Variants in ICA1 observed in about 807,000 individuals in gnomAD.
ICA1 encodes the protein islet cell autoantigen 1.
A neutral mutation model predicts 71.0 loss-of-function variants in ICA1; 40 were observed. The observed-to-expected ratio is 0.56, with a 90% CI of 0.44 to 0.73. ICA1 has a LOEUF of 0.73. Ranked by LOEUF, ICA1 falls within the 30% of genes least tolerant of loss-of-function variation. ICA1 has a pLI of 0.00. For missense variants in ICA1, 578 were observed against 576.5 expected, an observed-to-expected ratio of 1.00 and a Z score of -0.03; for synonymous variants, 207 against 209.5, an observed-to-expected ratio of 0.99 and a Z score of 0.10.
At chr7:8,204,105 G>A (rs888908581) in intron 6 of ICA1, among the ~76,000 whole-genome samples, 1 of 152,182 alleles carries the variant, frequency 6.6e-6, no homozygotes, top group Admixed American at 6.5e-5. Flanking sequence ...AGGGTGCTTG[G>A]AACATGAAAC....
In ICA1 at chr7:8,191,902, A is replaced by C. The variant is rs180755408; in HGVS notation, c.579+26403T>G. Among the ~76,000 whole-genome samples the C allele has an allele frequency of 2.2e-3, 332 of 152,220 alleles. 3 individuals are homozygous for C. The highest frequency in any genetic ancestry group is 7.6e-3 in the African/African-American group (317 of 41,556). ...AATTCCAGACTTCTAGAAAAGTTGC[A>C]AGAATTCTTTGTATGCCTGGATACC... is the stretch of plus-strand genomic sequence containing the variant. On this transcript the variant is annotated intron_variant, in intron 6 of 13. Coordinates refer to ENST00000402384, the MANE Select transcript of ICA1 (RefSeq NM_001136020.3).
intron 6 of ICA1, among the ~76,000 whole-genome samples, chr7:8,211,480 T>A (rs1413136092): frequency 3.3e-5 from 5 of 152,182 alleles, no homozygotes; most frequent in African/African-American, 1.2e-4. Flanking sequence ...CTCATTCTAC[T>A]CTGAGTACCA....
chr7:8,262,065 C>A (rs376243830), intron 1 of ICA1, 29 bp downstream of exon 1: 1 of 152,216 alleles, frequency 6.6e-6, no homozygotes, highest in African/African-American at 2.4e-5. Flanking sequence ...GCCCGGCGCG[C>A]CCCCGCCCCG....
intron 6 of ICA1, among the ~76,000 whole-genome samples, chr7:8,208,699 C>T (rs1364354759): frequency 2.6e-5 from 4 of 152,270 alleles, no homozygotes; most frequent in Non-Finnish European, 5.9e-5. Context: ...ACTACCTGAA[C>T]ATGGTAATTT....
At chr7:8,193,887 G>C (rs1454996256) in intron 6 of ICA1, among the ~76,000 whole-genome samples, 2 of 152,146 alleles carry the variant, frequency 1.3e-5, no homozygotes, top group South Asian at 2.1e-4. Context: ...TTCTAAGAAG[G>C]TCACAGGAAA....
chr7:8,129,184 G>A (rs1287269251), intron 12 of ICA1, among the ~76,000 whole-genome samples: 3 of 152,110 alleles, frequency 2.0e-5, no homozygotes, highest in Non-Finnish European at 2.9e-5. Context: ...ATCAACTGTG[G>A]CTTTGTGGTG....
At chr7:8,253,264 A>G (rs947662841) in intron 1 of ICA1, among the ~76,000 whole-genome samples, 4 of 152,316 alleles carry the variant, frequency 2.6e-5, no homozygotes, top group African/African-American at 9.6e-5. Flanking sequence ...AAATAAAATC[A>G]TATGTATCTT....
In ICA1 at chr7:8,228,688, CA is replaced by C. The variant is rs1563103991; in HGVS notation, c.184-16del. ...GAATGAAACAGCTGTAATAAAAATACAAACAAAATGCAAAATAAAACAGACA... is the reference window on the plus strand; with the variant it reads ...GAATGAAACAGCTGTAATAAAAATACAACAAAATGCAAAATAAAACAGACA... On this transcript the variant is annotated splice_polypyrimidine_tract_variant and intron_variant, in intron 3 of 13. Transcript: ENST00000402384. 7 of 1,559,236 alleles carry C rather than the reference CA, an allele frequency of 4.5e-6. No individual in the cohort carries two copies. Among genetic ancestry groups the C allele is most frequent in the Non-Finnish European group, 6.1e-6 (7 of 1,140,050 alleles).
chr7:8,124,111 ATTTTTTTTTTTT>A (rs536582712), intron 13 of ICA1, among the ~76,000 whole-genome samples: 3 of 107,412 alleles, frequency 2.8e-5, no homozygotes, highest in South Asian at 2.9e-4. Flanking sequence ...GAATCATACA[ATTTTTTTTTTTT>A]TTTTTTTTTT....
At chr7:8,254,825 T>C (rs1265244631) in intron 1 of ICA1, among the ~76,000 whole-genome samples, 1 of 152,032 alleles carries the variant, frequency 6.6e-6, no homozygotes, top group Non-Finnish European at 1.5e-5. Flanking sequence ...ATGCTGCAAA[T>C]GGCAACACTG....
At chr7:8,124,566 C>A (rs1295170001) in intron 13 of ICA1, among the ~76,000 whole-genome samples, 1 of 151,988 alleles carries the variant, frequency 6.6e-6, no homozygotes, top group Non-Finnish European at 1.5e-5. Flanking sequence ...GTCATGGAAG[C>A]ATAATGTCCA....
intron 3 of ICA1, among the ~76,000 whole-genome samples, chr7:8,229,807 G>T (rs777907000): frequency 3.3e-5 from 5 of 152,172 alleles, no homozygotes; most frequent in Admixed American, 2.0e-4. Context: ...CACCTGTTTA[G>T]TAAAGAGCCA....
chr7:8,174,771 A>AAACAAAACAAAAAACC (rs3078593), intron 6 of ICA1, among the ~76,000 whole-genome samples: 2 of 106,060 alleles, frequency 1.9e-5, no homozygotes, highest in South Asian at 3.5e-4. Flanking sequence ...AAAAAAAAAA[A>AAACAAAACAAAAAACC]AAAAAAAACA....
At chr7:8,148,665 A>G (rs527554092) in intron 8 of ICA1, among the ~76,000 whole-genome samples, 1 of 152,368 alleles carries the variant, frequency 6.6e-6, no homozygotes, top group South Asian at 2.1e-4. Flanking sequence ...TGGGACGACC[A>G]TCACCATAAT....
In ICA1 at chr7:8,152,024, T is replaced by C. The variant is rs190160769; in HGVS notation, c.804+5092A>G. Among the ~76,000 whole-genome samples the C allele has an allele frequency of 1.7e-3, 261 of 152,328 alleles. 2 individuals are homozygous for C. The highest frequency in any genetic ancestry group is 5.9e-3 in the African/African-American group (245 of 41,554). ...ATTGCATTTTTTAGAATTAGCCCTG[T>C]TGCAGAGATGGGAGGCCCTACTGCC... On this transcript the variant is annotated intron_variant, in intron 8 of 13. Transcript: ENST00000402384.
chr7:8,172,049 T>C (rs1414849811), intron 6 of ICA1, among the ~76,000 whole-genome samples: 1 of 152,056 alleles, frequency 6.6e-6, no homozygotes. Context: ...GAATGTTTCA[T>C]GTGCACTTGA....
At chr7:8,147,701 C>T (rs938326271) in intron 8 of ICA1, among the ~76,000 whole-genome samples, 2 of 151,110 alleles carry the variant, frequency 1.3e-5, no homozygotes, top group African/African-American at 4.9e-5. Context: ...CACACACACA[C>T]ACACACACAC....
chr7:8,164,522 T>C lies in ICA1; in HGVS notation c.580-5870A>G, dbSNP rs138364606. Among the ~76,000 whole-genome samples, 475 of 152,222 alleles carry C rather than the reference T, an allele frequency of 3.1e-3. 2 individuals are homozygous for C. Among genetic ancestry groups the C allele is most frequent in the African/African-American group, 0.011 (458 of 41,514 alleles). ...CCCAGACTTAATGTTATTGTCTAGC[T>C]TGCCTTTCCACCAGCCAGTTCTACT... On this transcript the variant is annotated intron_variant, in intron 6 of 13. Transcript: ENST00000402384.
At chr7:8,259,954 G>C (rs1811659899) in intron 1 of ICA1, among the ~76,000 whole-genome samples, 2 of 152,152 alleles carry the variant, frequency 1.3e-5, no homozygotes, top group South Asian at 4.1e-4. Flanking sequence ...CATGCAGATA[G>C]CATCCTTATT....
Sources: allele counts gnomAD v4.1 joint callset (sites outside exome capture counted in the v4.1 genomes callset), GRCh38; gene constraint gnomAD v4.1.1; transcripts MANE v1.5; gene names NCBI Gene and HGNC (gene_info 2026-07-23, HGNC 2026-07-21).